The following LY86 variants were observed in gnomAD, a reference collection of about 807,000 sequenced individuals.
The protein encoded by LY86 is MD-1, RP105-associated.
A neutral mutation model predicts 17.3 loss-of-function variants in LY86; 20 were observed. The observed-to-expected ratio is 1.15, with a 90% CI of 0.81 to 1.68. The LOEUF (loss-of-function observed/expected upper bound fraction) is 1.68. Among genes scored for constraint, LY86 ranks in the 40% most tolerant of loss-of-function variants. The probability of loss-of-function intolerance (pLI) is 0.00; values close to 1 mark genes in which losing one functional copy is unlikely to be tolerated. For missense variants in LY86, 200 were observed against 191.9 expected (o/e 1.04, Z -0.25); for synonymous variants, 74 against 70.6 (o/e 1.05, Z -0.24).
At chr6:6,646,483 C>A (rs1409174699) in intron 3 of LY86, among the ~76,000 whole-genome samples, 2 of 152,156 alleles carry the variant, frequency 1.3e-5, no homozygotes, top group African/African-American at 4.8e-5. Context: ...TTCCAACAAC[C>A]ATTTCCATCT....
chr6:6,591,440 G>A (rs1185655001), intron 1 of LY86: 2 of 153,800 alleles, frequency 1.3e-5, no homozygotes, highest in South Asian at 2.1e-4. Context: ...TGTGCACCAG[G>A]GACATAGTAG....
intron 1 of LY86, among the ~76,000 whole-genome samples, chr6:6,616,023 A>C (rs1761545869): frequency 6.6e-6 from 1 of 152,244 alleles, no homozygotes; most frequent in South Asian, 2.1e-4. Context: ...AATAGACTCC[A>C]TCCTCCTTTT....
At chr6:6,606,191 A>G (rs1015484067) in intron 1 of LY86, among the ~76,000 whole-genome samples, 2 of 152,134 alleles carry the variant, frequency 1.3e-5, no homozygotes, top group Non-Finnish European at 2.9e-5. Flanking sequence ...TGAGCTAGAC[A>G]CAAAGGCTCT....
At chr6:6,645,839 G>A (rs925406742) in intron 3 of LY86, among the ~76,000 whole-genome samples, 1 of 151,740 alleles carries the variant, frequency 6.6e-6, no homozygotes, top group East Asian at 2.0e-4. Flanking sequence ...GGAATTTCTT[G>A]AAAGGACATT....
intron 1 of LY86, among the ~76,000 whole-genome samples, chr6:6,622,365 T>C (rs1489041540): frequency 6.6e-6 from 1 of 152,232 alleles, no homozygotes; most frequent in Non-Finnish European, 1.5e-5. Flanking sequence ...GGATAGCAAC[T>C]TAAATTTATC....
chr6:6,622,672 A>G lies in LY86; in HGVS notation c.137-2254A>G, dbSNP rs559414790. ...CTGAAATTGCCTAGTGATCATTTCCATTGCAGATATCATAGACAATGATGC... is the reference window on the plus strand; with the variant it reads ...CTGAAATTGCCTAGTGATCATTTCCGTTGCAGATATCATAGACAATGATGC... On this transcript the variant is annotated intron_variant, in intron 1 of 4. Transcript: ENST00000230568. The G allele has an allele frequency of 1.2e-4, 18 of 152,358 alleles. 1 individual carries two copies. The South Asian group carries it at 3.7e-3, about 32-fold the overall frequency. 9.4% of individuals were successfully genotyped at this position (152,358 alleles called of 1,614,324 possible).
At chr6:6,638,202 G>A (rs1240221342) in intron 3 of LY86, among the ~76,000 whole-genome samples, 1 of 152,176 alleles carries the variant, frequency 6.6e-6, no homozygotes, top group Non-Finnish European at 1.5e-5. Flanking sequence ...ACCGGATTTT[G>A]AAGACTTAGT....
rs554672005 is a variant in LY86, at chr6:6,649,446, A to G, written c.353-179A>G. Among the ~76,000 whole-genome samples, 7 of 152,370 alleles carry G rather than the reference A, an allele frequency of 4.6e-5. No individual in the cohort carries two copies. The South Asian group carries it at 1.5e-3, about 32-fold the overall frequency. Reference sequence around the variant, plus strand: ...AAGGTGCCCGACCAATATTTGTGGCATGAATGAATAAGTGAATGAATGGTA... The same window carrying G: ...AAGGTGCCCGACCAATATTTGTGGCGTGAATGAATAAGTGAATGAATGGTA... On this transcript the variant is annotated intron_variant, in intron 3 of 4. Coordinates refer to ENST00000230568, the MANE Select transcript of LY86 (RefSeq NM_004271.4).
intron 3 of LY86, among the ~76,000 whole-genome samples, chr6:6,646,169 C>T (rs988313037): frequency 2.0e-5 from 3 of 152,126 alleles, no homozygotes; most frequent in Non-Finnish European, 4.4e-5. Flanking sequence ...CAGGATGTCC[C>T]TCTGAACCCT....
Position 6,588,852 on chromosome 6 carries a change from G to T in LY86, c.118G>T (p.Val40Leu). Reference sequence around the variant, plus strand: ...GGTCTGTAGCGACAGCGGCTTGGAAGTGCTCTACCAGAGTTGCGGTAAGCC... The same window carrying T: ...GGTCTGTAGCGACAGCGGCTTGGAATTGCTCTACCAGAGTTGCGGTAAGCC... ...HVVCSDSGLEVLYQSCDPLQD... is the reference protein window; with the variant it reads ...HVVCSDSGLELLYQSCDPLQD... Residue 40 changes from valine (V) to leucine (L), a missense_variant, in exon 1 of 5, where the codon GTG becomes TTG. Val to Leu is a conservative substitution (Grantham distance 32, BLOSUM62 1). Transcript: ENST00000230568. 6.2e-7 allele frequency: 1 copy of T among 1,614,084 alleles called. No homozygotes were observed. The highest frequency in any genetic ancestry group is 1.7e-5 in the Admixed American group (1 of 60,022).
chr6:6,624,980 C>A lies in LY86; in HGVS notation c.191C>A (p.Ser64Ter). 6.5e-7 allele frequency: 1 copy of A among 1,546,980 alleles called. No homozygotes were observed. The highest frequency in any genetic ancestry group is 1.2e-5 in the South Asian group (1 of 86,314). Residue 64 changes from serine to a stop codon, truncating the protein, a stop_gained, in exon 2 of 5, where the codon TCA (serine) becomes TAA (stop). Transcript: ENST00000230568. LOFTEE classifies it high-confidence loss of function. ...SVEKCSKQLK[S>*]NINIRFGIIL... is the part of the protein sequence containing the mutation. ...GAAAAGTGTTCCAAGCAATTAAAAT[C>A]AAATATCAACATTAGATTTGGAATT...
Position 6,649,211 on chromosome 6 carries a change from T to C in LY86, c.353-414T>C, listed in dbSNP as rs147824117. 3.2e-3 allele frequency among the ~76,000 whole-genome samples: 483 copies of C among 152,338 alleles called. 4 individuals carry two copies. The highest frequency in any genetic ancestry group is 0.011 in the African/African-American group (455 of 41,574). ...AAACCATCAGATCTCATGCGACTTA[T>C]TCACTATCGTGAGAACATCACAGGT... On this transcript the variant is annotated intron_variant, in intron 3 of 4. Coordinates refer to ENST00000230568, the MANE Select transcript of LY86 (RefSeq NM_004271.4).
intron 1 of LY86, among the ~76,000 whole-genome samples, chr6:6,605,776 G>C (rs1279600959): frequency 6.6e-6 from 1 of 152,188 alleles, no homozygotes; most frequent in Non-Finnish European, 1.5e-5. Context: ...CTGATGCTGG[G>C]ATGTGTTCAG....
At chr6:6,608,727 T>C (rs1272330942) in intron 1 of LY86, among the ~76,000 whole-genome samples, 1 of 152,238 alleles carries the variant, frequency 6.6e-6, no homozygotes, top group East Asian at 1.9e-4. Context: ...AGCAATGGTG[T>C]TACAGAGAAG....
intron 1 of LY86, among the ~76,000 whole-genome samples, chr6:6,623,740 G>C (rs1033819647): frequency 6.6e-6 from 1 of 152,196 alleles, no homozygotes; most frequent in Non-Finnish European, 1.5e-5. Flanking sequence ...AAAGTACAAG[G>C]CTCAGCTATT....
At chr6:6,605,993 A>G (rs946894852) in intron 1 of LY86, among the ~76,000 whole-genome samples, 1 of 152,146 alleles carries the variant, frequency 6.6e-6, no homozygotes, top group Non-Finnish European at 1.5e-5. Context: ...AGCAAAATTT[A>G]CTGCGAAAAG....
chr6:6,598,274 T>C (rs1055313198), intron 1 of LY86, among the ~76,000 whole-genome samples: 4 of 152,220 alleles, frequency 2.6e-5, no homozygotes, highest in Non-Finnish European at 4.4e-5. Context: ...GCACAAATTA[T>C]CACAAAATTA....
chr6:6,592,833 T>C (rs1448606830), intron 1 of LY86, among the ~76,000 whole-genome samples: 2 of 152,188 alleles, frequency 1.3e-5, no homozygotes, highest in Non-Finnish European at 2.9e-5. Flanking sequence ...GAGAAATCAA[T>C]GTTGGCTGTT....
chr6:6,598,584 C>T (rs983409311), intron 1 of LY86, among the ~76,000 whole-genome samples: 2 of 152,210 alleles, frequency 1.3e-5, no homozygotes, highest in Admixed American at 6.5e-5. Context: ...CTATTACATG[C>T]TTAAGACAAT....
Sources: allele counts gnomAD v4.1 joint callset (sites outside exome capture counted in the v4.1 genomes callset), GRCh38; gene constraint gnomAD v4.1.1; transcripts MANE v1.5; gene names NCBI Gene and HGNC (gene_info 2026-07-23, HGNC 2026-07-21).